DCDC1: variants seen among roughly 807,000 people sequenced by gnomAD.
DCDC1 encodes the protein doublecortin domain-containing protein 1.
DCDC1 carries 200 observed loss-of-function variants against 178.3 expected under a neutral mutation model. The observed-to-expected ratio is 1.12, with a 90% CI of 1.00 to 1.26. The LOEUF is 1.26. DCDC1 is among the 50% of genes most tolerant of loss of function. The pLI is 0.00. For missense variants in DCDC1, 1,983 were observed against 1,749.2 expected (o/e 1.13, Z -2.38); for synonymous variants, 690 against 604.8 (o/e 1.14, Z -2.07).
rs747601104 is a variant in DCDC1, at chr11:31,306,349, C to T, written c.474G>A (p.Arg158=). The T allele has an allele frequency of 1.9e-6, 3 of 1,608,592 alleles. No individual in the cohort carries two copies. The South Asian group carries it at 3.3e-5, about 18-fold the overall frequency. The change falls in exon 5 of 39, where the codon CGG becomes CGA. Residue 158 remains arginine (R), a synonymous_variant. Transcript: ENST00000684477. ...EFSSLKFQSA[R]NWQKLSQRHK... Reference sequence around the variant, plus strand: ...GTCTTTGAGACAATTTCTGCCAATTCCGGGCTGACTGAAATTTTAAAGAAG... The same window carrying T: ...GTCTTTGAGACAATTTCTGCCAATTTCGGGCTGACTGAAATTTTAAAGAAG...
chr11:30,863,796 G>A lies in DCDC1; in HGVS notation c.*1577C>T, dbSNP rs2133886479. ...CTCTTTTATCAGAACTTCTTTATTT[G>A]GAAAGTTCTGTGACAAACATCCACA... On this transcript the variant is annotated 3_prime_UTR_variant, in exon 39 of 39. Transcript: ENST00000684477. 6.6e-6 allele frequency: 1 copy of A among 152,346 alleles called. No homozygotes were observed. 9.4% of individuals were successfully genotyped at this position (152,346 alleles called of 1,614,324 possible).
At chr11:31,180,202 A>C (rs1026908694) in intron 9 of DCDC1, among the ~76,000 whole-genome samples, 1 of 152,238 alleles carries the variant, frequency 6.6e-6, no homozygotes, top group Admixed American at 6.5e-5. Context: ...GATAGAATGA[A>C]TAAATACCGG....
At chr11:31,063,930 G>T (rs957116493) in intron 20 of DCDC1, among the ~76,000 whole-genome samples, 1 of 152,040 alleles carries the variant, frequency 6.6e-6, no homozygotes, top group African/African-American at 2.4e-5. Flanking sequence ...ATGAAATAAA[G>T]AGGATCAGAG....
intron 1 of DCDC1, among the ~76,000 whole-genome samples, chr11:31,345,136 G>A (rs1172441028): frequency 2.0e-5 from 3 of 151,926 alleles, no homozygotes; most frequent in Non-Finnish European, 4.4e-5. Flanking sequence ...ATAACCTTAT[G>A]GTCAAAGGCC....
chr11:30,996,267 A>G (rs1015407403), intron 20 of DCDC1, among the ~76,000 whole-genome samples: 1 of 152,102 alleles, frequency 6.6e-6, no homozygotes, highest in Non-Finnish European at 1.5e-5. Flanking sequence ...AACAAAAACA[A>G]ACCCCAAACC....
intron 1 of DCDC1, among the ~76,000 whole-genome samples, chr11:31,349,292 T>C (rs927127401): frequency 2.6e-5 from 4 of 152,234 alleles, no homozygotes; most frequent in Non-Finnish European, 5.9e-5. Flanking sequence ...ATCAATTTTA[T>C]GTAAACATAA....
At chr11:30,967,823 A>G (rs1949529244) in intron 20 of DCDC1, among the ~76,000 whole-genome samples, 1 of 152,174 alleles carries the variant, frequency 6.6e-6, no homozygotes, top group Non-Finnish European at 1.5e-5. Flanking sequence ...GTTCTTAGGA[A>G]ACAGATGAGA....
chr11:30,920,445 G>C (rs34779970), intron 25 of DCDC1, among the ~76,000 whole-genome samples: 7 of 152,140 alleles, frequency 4.6e-5, no homozygotes, highest in African/African-American at 1.7e-4. Context: ...CTTGAACTTA[G>C]GGAAGAAGTT....
At chr11:31,218,357 TA>T (rs1460849374) in intron 9 of DCDC1, among the ~76,000 whole-genome samples, 1 of 152,154 alleles carries the variant, frequency 6.6e-6, no homozygotes, top group African/African-American at 2.4e-5. Context: ...TAAATGTTTA[TA>T]GGGAAAAAAT....
In DCDC1 at chr11:31,290,699, C is replaced by T; in HGVS notation, c.908G>A (p.Gly303Asp). The change falls in exon 7 of 39, where the codon GGC becomes GAC. Residue 303 changes from glycine to aspartate, a missense_variant. Coordinates refer to ENST00000684477, the MANE Select transcript of DCDC1 (RefSeq NM_001387274.1). ...TSVRILFFKN[G>D]MGQDGHEITV... ...AATCTCATGCCCATCCTGCCCCATG[C>T]CATTCTTAAAGAACAGAATTCGGAC... 6.2e-7 allele frequency: 1 copy of T among 1,613,380 alleles called. No individual in the cohort carries two copies. The highest frequency in any genetic ancestry group is 8.5e-7 in the Non-Finnish European group (1 of 1,179,508).
intron 21 of DCDC1, chr11:30,944,451 A>G: frequency 2.6e-6 from 1 of 383,794 alleles, no homozygotes; most frequent in Non-Finnish European, 5.2e-6. Context: ...ATGCCACAAT[A>G]TGAGTGTCAC....
At chr11:31,296,368 C>T (rs775892744) in intron 6 of DCDC1, among the ~76,000 whole-genome samples, 15 of 152,170 alleles carry the variant, frequency 9.9e-5, no homozygotes, top group Non-Finnish European at 1.8e-4. Context: ...TATTCAGACT[C>T]AAGTCCTTCT....
chr11:31,033,128 A>G (rs1953772356), intron 20 of DCDC1, among the ~76,000 whole-genome samples: 1 of 152,204 alleles, frequency 6.6e-6, no homozygotes, highest in African/African-American at 2.4e-5. Context: ...TTTATGCACA[A>G]GATTGTATGT....
intron 9 of DCDC1, among the ~76,000 whole-genome samples, chr11:31,168,951 C>T (rs1266038605): frequency 6.6e-6 from 1 of 152,030 alleles, no homozygotes; most frequent in Non-Finnish European, 1.5e-5. Flanking sequence ...AAATGGCACA[C>T]TATTTATAAC....
chr11:30,996,020 T>C (rs1951246116), intron 20 of DCDC1, among the ~76,000 whole-genome samples: 1 of 152,148 alleles, frequency 6.6e-6, no homozygotes, highest in Non-Finnish European at 1.5e-5. Context: ...ATCATGTATC[T>C]GATAAATGAC....
At chr11:31,240,706 G>A (rs1448806998) in intron 9 of DCDC1, among the ~76,000 whole-genome samples, 3 of 151,956 alleles carry the variant, frequency 2.0e-5, no homozygotes, top group Non-Finnish European at 4.4e-5. Context: ...AAAAACATGT[G>A]CTTCGATTCT....
At chr11:30,995,523 T>C (rs1951215030) in intron 20 of DCDC1, among the ~76,000 whole-genome samples, 1 of 152,134 alleles carries the variant, frequency 6.6e-6, no homozygotes, top group South Asian at 2.1e-4. Context: ...TGGAGTTACA[T>C]GATCAACGTA....
intron 9 of DCDC1, among the ~76,000 whole-genome samples, chr11:31,149,887 T>C (rs1438679644): frequency 6.6e-6 from 1 of 152,158 alleles, no homozygotes; most frequent in Non-Finnish European, 1.5e-5. Context: ...GCAAGGGTCC[T>C]CAGCTTCATT....
At chr11:31,233,339 T>C (rs919683553) in intron 9 of DCDC1, among the ~76,000 whole-genome samples, 1 of 152,200 alleles carries the variant, frequency 6.6e-6, no homozygotes. Flanking sequence ...TTCACATGGG[T>C]ATGCTTTGTC....
Sources: gnomAD v4.1 joint callset for allele counts (sites outside exome capture counted in the v4.1 genomes callset) on GRCh38, gnomAD v4.1.1 for gene constraint, MANE v1.5 for transcripts, NCBI Gene and HGNC (gene_info 2026-07-23, HGNC 2026-07-21) for gene names.